Variants in PCDH15 observed in about 807,000 individuals in gnomAD.
PCDH15 encodes protocadherin related 15, also known as protocadherin-15.
A neutral mutation model predicts 178.5 loss-of-function variants in PCDH15; 129 were observed. The observed-to-expected ratio is 0.72, with a 90% confidence interval of 0.63 to 0.84. The LOEUF is 0.84. PCDH15 is among the 40% of genes least tolerant of loss of function. The pLI is 0.00. For synonymous variants in PCDH15, 800 were observed against 732.0 expected (o/e 1.09, Z -1.50); for missense variants, 2,230 against 2,099.9 (o/e 1.06, Z -1.21).
At chr10:53,812,503 G>A (rs901799746) in intron 35 of PCDH15, among the ~76,000 whole-genome samples, 1 of 152,070 alleles carries the variant, frequency 6.6e-6, no homozygotes, top group Non-Finnish European at 1.5e-5. Flanking sequence ...GTGAGCCACT[G>A]TGCCTGGCCT....
rs1260461615 is a variant in PCDH15, at chr10:53,803,906, TAAC to T, written c.*2670_*2672del. The T allele has an allele frequency of 2.6e-5, 4 of 151,910 alleles. No homozygotes were observed. Among genetic ancestry groups the T allele is most frequent in the East Asian group, 3.9e-4 (2 of 5,188 alleles). 9.4% of individuals were successfully genotyped at this position (151,910 alleles called of 1,614,324 possible). On this transcript the variant is annotated 3_prime_UTR_variant, in exon 38 of 38. Coordinates refer to ENST00000644397, the MANE Select transcript of PCDH15 (RefSeq NM_001384140.1). ...CCTTCCTACACCTTCCTAGGAAAAA[TAAC>T]AACCAATTTCTTTATAAATATTTAC...
chr10:55,191,955 A>T (rs544337060), intron 1 of PCDH15, among the ~76,000 whole-genome samples: 1 of 152,100 alleles, frequency 6.6e-6, no homozygotes, highest in Non-Finnish European at 1.5e-5. Flanking sequence ...GCTAAAAAAA[A>T]TTAGTTAAAA....
At chr10:53,999,327 C>T (rs1241805560) in intron 20 of PCDH15, among the ~76,000 whole-genome samples, 1 of 152,136 alleles carries the variant, frequency 6.6e-6, no homozygotes, top group Non-Finnish European at 1.5e-5. Context: ...CACTACTAGA[C>T]ACTTTCTATT....
At chr10:54,474,144 CT>C (rs1341915069) in intron 3 of PCDH15, among the ~76,000 whole-genome samples, 1 of 151,716 alleles carries the variant, frequency 6.6e-6, no homozygotes, top group Non-Finnish European at 1.5e-5. Context: ...ATTTTTCTTG[CT>C]TGTAAATTAT....
chr10:55,056,926 G>A (rs780719222), intron 2 of PCDH15, among the ~76,000 whole-genome samples: 45 of 151,796 alleles, frequency 3.0e-4, no homozygotes, highest in Admixed American at 1.3e-3. Flanking sequence ...GAGCCACCCC[G>A]CCTTGCCATT....
intron 14 of PCDH15, among the ~76,000 whole-genome samples, chr10:54,142,444 A>G (rs2043498249): frequency 6.6e-6 from 1 of 152,130 alleles, no homozygotes; most frequent in African/African-American, 2.4e-5. Context: ...AAACTATTCA[A>G]TCCCTCTAGA....
At position 55,153,349 on chromosome 10, in the gene PCDH15, C is replaced by T. The variant is rs1838790534; in HGVS notation, c.-80+13227G>A. 2.0e-5 allele frequency among the ~76,000 whole-genome samples: 3 copies of T among 152,106 alleles called. No homozygotes were observed. The South Asian group carries it at 6.2e-4, about 32-fold the overall frequency. On this transcript the variant is annotated intron_variant, in intron 2 of 5. Coordinates refer to the PCDH15 transcript ENST00000458638. ...CTCTTCCCTTCACCAAGTTGCTCAC[C>T]TTGACACGGGCTGCATCAGCCTGGA...
intron 1 of PCDH15, among the ~76,000 whole-genome samples, chr10:55,262,234 A>T (rs1842164553): frequency 6.9e-6 from 1 of 145,416 alleles, no homozygotes; most frequent in Non-Finnish European, 1.5e-5. Flanking sequence ...AAAGAAAGAA[A>T]GGAAAGGAAG....
intron 3 of PCDH15, among the ~76,000 whole-genome samples, chr10:54,491,557 A>C (rs2137139530): frequency 6.6e-6 from 1 of 152,266 alleles, no homozygotes; most frequent in East Asian, 1.9e-4. Flanking sequence ...AAGAAGAGAA[A>C]TTTAACTTAT....
At chr10:54,064,402 GC>G (rs1426978185) in intron 18 of PCDH15, among the ~76,000 whole-genome samples, 8 of 152,138 alleles carry the variant, frequency 5.3e-5, no homozygotes, top group Non-Finnish European at 1.5e-5. Context: ...TTCACTCTGG[GC>G]CACGGACTCC....
chr10:54,127,809 A>G (rs1330264122), intron 15 of PCDH15, among the ~76,000 whole-genome samples: 1 of 152,212 alleles, frequency 6.6e-6, no homozygotes, highest in East Asian at 1.9e-4. Flanking sequence ...TATATTGATC[A>G]TCTTCATTTC....
chr10:55,556,090 C>T (rs1372963354), intron 2 of PCDH15, among the ~76,000 whole-genome samples: 2 of 152,066 alleles, frequency 1.3e-5, no homozygotes, highest in African/African-American at 4.8e-5. Flanking sequence ...TCCATATATA[C>T]ACACACTATA....
At chr10:54,213,548 CAAAATT>C (rs1758386413) in intron 10 of PCDH15, among the ~76,000 whole-genome samples, 1 of 151,848 alleles carries the variant, frequency 6.6e-6, no homozygotes, top group African/African-American at 2.4e-5. Context: ...AAAATGAAAA[CAAAATT>C]AAAACAACAT....
intron 2 of PCDH15, among the ~76,000 whole-genome samples, chr10:55,526,403 C>T (rs908577996): frequency 3.3e-5 from 5 of 151,926 alleles, no homozygotes; most frequent in African/African-American, 9.7e-5. Flanking sequence ...TAGCCAAATA[C>T]TTACACAGTA....
chr10:54,736,384 T>C (rs924135434), intron 1 of PCDH15, among the ~76,000 whole-genome samples: 2 of 150,968 alleles, frequency 1.3e-5, no homozygotes, highest in African/African-American at 4.9e-5. Flanking sequence ...AACATATTTC[T>C]TTCTCTCTCA....
chr10:54,567,275 T>C lies in PCDH15; in HGVS notation c.92-39398A>G, dbSNP rs138143587. On this transcript the variant is annotated intron_variant, in intron 2 of 37. Transcript: ENST00000644397. ...TCTTTTGTGAGTATTTTCTCCCAGT[T>C]TGTAGCTTGTCTTCTCATTCATTTG... 7.1e-3 allele frequency among the ~76,000 whole-genome samples: 1,077 copies of C among 152,240 alleles called. 4 individuals are homozygous for C. Among genetic ancestry groups the C allele is most frequent in the Non-Finnish European group, 0.012 (825 of 68,008 alleles).
chr10:54,282,256 C>T (rs925147953), intron 8 of PCDH15, among the ~76,000 whole-genome samples: 4 of 152,030 alleles, frequency 2.6e-5, no homozygotes, highest in Non-Finnish European at 5.9e-5. Context: ...CCCCAACAAT[C>T]ACTGTTTTAG....
chr10:54,997,804 T>A (rs975816378), intron 2 of PCDH15, among the ~76,000 whole-genome samples: 36 of 152,236 alleles, frequency 2.4e-4, no homozygotes, highest in African/African-American at 8.4e-4. Context: ...CTAAAAAAAA[T>A]GAAAGATTCC....
chr10:55,307,888 A>T (rs74486578), intron 1 of PCDH15, among the ~76,000 whole-genome samples: 2,415 of 152,206 alleles, frequency 0.016, 68 homozygotes, highest in African/African-American at 0.054. Flanking sequence ...TGCAATTATT[A>T]CTAACGAGAG....
Sources: allele counts gnomAD v4.1 joint callset (sites outside exome capture counted in the v4.1 genomes callset), GRCh38; gene constraint gnomAD v4.1.1; transcripts MANE v1.5; gene names NCBI Gene and HGNC (gene_info 2026-07-23, HGNC 2026-07-21).